The following RABEP1 variants were observed in gnomAD, a reference collection of about 807,000 sequenced individuals.
The protein encoded by RABEP1 is rabaptin, RAB GTPase binding effector protein 1.
Under a neutral mutation model 123.4 loss-of-function variants are expected in RABEP1, and 51 were observed. The observed-to-expected ratio is 0.41, with a 90% CI of 0.33 to 0.52. The LOEUF (loss-of-function observed/expected upper bound fraction) is 0.52. RABEP1 is among the 20% of genes least tolerant of loss of function. RABEP1 has a pLI of 0.16. For synonymous variants in RABEP1, 347 were observed against 355.2 expected (o/e 0.98, Z 0.26); for missense variants, 888 against 996.3 (o/e 0.89, Z 1.46).
intron 13 of RABEP1, among the ~76,000 whole-genome samples, chr17:5,376,450 A>G (rs1911001069): frequency 6.6e-6 from 1 of 152,212 alleles, no homozygotes; most frequent in Non-Finnish European, 1.5e-5. Flanking sequence ...TTTTATATAT[A>G]TTGTTATTTG....
At position 5,332,064 on chromosome 17, in the gene RABEP1, A is replaced by G; in HGVS notation, c.279A>G (p.Thr93=). The G allele has an allele frequency of 1.2e-6, 2 of 1,614,152 alleles. No individual in the cohort carries two copies. The highest frequency in any genetic ancestry group is 1.1e-5 in the South Asian group (1 of 91,078). ...TGGAGAATATTAAGGCGATTGCCAC[A>G]GTCTCTGAGAACACCAAGCAAGAAG... The part of the protein sequence containing the change: ...AEMENIKAIA[T]VSENTKQEAI... The change falls in exon 3 of 18, where the codon ACA becomes ACG. Residue 93 remains threonine, a synonymous_variant. Coordinates refer to ENST00000537505, the MANE Select transcript of RABEP1 (RefSeq NM_004703.6).
chr17:5,383,580 T>TTTCTGTTCATAGATATTGG lies in RABEP1; in HGVS notation c.*358_*376dup. The stretch of plus-strand genomic sequence containing the variant: ...GCGACATCCCAGTAGTGTTTGGAAT[T>TTTCTGTTCATAGATATTGG]TTCTGTTCATAGATATTGGAAGAGA... On this transcript the variant is annotated 3_prime_UTR_variant, in exon 18 of 18. Coordinates refer to ENST00000537505, the MANE Select transcript of RABEP1 (RefSeq NM_004703.6). 3.5e-6 allele frequency: 1 copy of TTTCTGTTCATAGATATTGG among 287,012 alleles called. No homozygotes were observed. The highest frequency in any genetic ancestry group is 6.6e-6 in the Non-Finnish European group (1 of 150,648). The allele number at this position is 287,012 out of a possible 1,614,324, so 17.8% of individuals were successfully genotyped here.
At chr17:5,311,570 T>A (rs535220482) in intron 2 of RABEP1, among the ~76,000 whole-genome samples, 56 of 151,312 alleles carry the variant, frequency 3.7e-4, no homozygotes, top group Admixed American at 8.6e-4. Context: ...TTGGCATGGG[T>A]CTGTAATCCC....
intron 6 of RABEP1, among the ~76,000 whole-genome samples, chr17:5,350,060 T>A (rs1908389442): frequency 6.6e-6 from 1 of 152,136 alleles, no homozygotes; most frequent in Non-Finnish European, 1.5e-5. Context: ...TGGTCAGACC[T>A]GGGCTAGGAG....
At chr17:5,368,542 T>G in intron 12 of RABEP1, 74 bp downstream of exon 12, 1 of 1,069,272 alleles carries the variant, frequency 9.4e-7, no homozygotes, top group Non-Finnish European at 1.4e-6. Flanking sequence ...GACATCATCT[T>G]TGATAGGAAT....
chr17:5,349,452 G>A (rs1465719462), intron 6 of RABEP1, among the ~76,000 whole-genome samples: 1 of 152,214 alleles, frequency 6.6e-6, no homozygotes, highest in Non-Finnish European at 1.5e-5. Flanking sequence ...CTTGGTAGAT[G>A]GGTGGATAGA....
At chr17:5,355,089 C>A (rs1201986124) in intron 8 of RABEP1, among the ~76,000 whole-genome samples, 1 of 152,202 alleles carries the variant, frequency 6.6e-6, no homozygotes, top group African/African-American at 2.4e-5. Flanking sequence ...CATTCCACTG[C>A]GTCCTCAGCA....
intron 5 of RABEP1, among the ~76,000 whole-genome samples, chr17:5,339,677 G>A (rs1907411218): frequency 6.7e-6 from 1 of 150,034 alleles, no homozygotes; most frequent in South Asian, 2.1e-4. Context: ...CACGCGCCTT[G>A]TAGTCCCTTC....
chr17:5,383,338 C>A lies in RABEP1; in HGVS notation c.*115C>A. The A allele has an allele frequency of 2.4e-6, 2 of 837,364 alleles. No individual in the cohort carries two copies. Among genetic ancestry groups the A allele is most frequent in the South Asian group, 1.6e-5 (1 of 63,470 alleles). 51.9% of individuals were successfully genotyped at this position (837,364 alleles called of 1,614,324 possible). Reference sequence around the variant, plus strand: ...AAGAGAAGTCACAACAAAAGGAAGACTGGAGAAATGCTTACTTCTAGAGGG... The same window carrying A: ...AAGAGAAGTCACAACAAAAGGAAGAATGGAGAAATGCTTACTTCTAGAGGG... On this transcript the variant is annotated 3_prime_UTR_variant, in exon 18 of 18. Transcript: ENST00000537505.
chr17:5,357,608 T>C (rs912782718), intron 8 of RABEP1, among the ~76,000 whole-genome samples: 1 of 152,106 alleles, frequency 6.6e-6, no homozygotes, highest in African/African-American at 2.4e-5. Context: ...TGGCCTCAAG[T>C]GATTTGCCCA....
intron 3 of RABEP1, among the ~76,000 whole-genome samples, chr17:5,333,981 T>C (rs1017029946): frequency 6.6e-6 from 1 of 151,876 alleles, no homozygotes; most frequent in South Asian, 2.1e-4. Flanking sequence ...CTAAACAAAA[T>C]TGGAGTCTTA....
At chr17:5,282,729 G>A (rs1428505367) in intron 1 of RABEP1, among the ~76,000 whole-genome samples, 1 of 149,366 alleles carries the variant, frequency 6.7e-6, no homozygotes, top group African/African-American at 2.4e-5. Flanking sequence ...CGGGAGGCGC[G>A]GGTGCAGCGC....
chr17:5,378,356 T>C (rs765866687), intron 15 of RABEP1, 124 bp downstream of exon 15: 2 of 956,200 alleles, frequency 2.1e-6, no homozygotes, highest in Non-Finnish European at 3.3e-6. Flanking sequence ...AACTTTTGTC[T>C]TGTGGGAAGA....
intron 2 of RABEP1, among the ~76,000 whole-genome samples, chr17:5,319,249 G>A (rs1362019407): frequency 8.2e-5 from 12 of 146,060 alleles, no homozygotes; most frequent in African/African-American, 2.5e-4. Flanking sequence ...GGAATTGCTC[G>A]AGCCCAGAGG....
chr17:5,351,911 C>A (rs769377910), intron 7 of RABEP1, among the ~76,000 whole-genome samples: 5 of 151,940 alleles, frequency 3.3e-5, no homozygotes, highest in Admixed American at 3.3e-4. Flanking sequence ...TTTACCCTTT[C>A]TCCTTGTAGC....
At chr17:5,335,479 CAT>C in intron 4 of RABEP1, 135 bp downstream of exon 4, 2 of 739,970 alleles carry the variant, frequency 2.7e-6, no homozygotes, top group Non-Finnish European at 4.3e-6. Context: ...CAGACCTAAA[CAT>C]AGTACTAAAT....
chr17:5,377,142 C>T lies in RABEP1; in HGVS notation c.2052C>T (p.Tyr684=). Residue 684 remains tyrosine, a synonymous_variant, in exon 14 of 18, where the codon TAC becomes TAT. Transcript: ENST00000537505. The part of the protein sequence containing the change: ...TEALRELVLK[Y]REDIINVRTA... Reference sequence around the variant, plus strand: ...CACTGCGGGAGTTGGTATTAAAATACCGTGAGGACATCATTAATGTGCGGA... The same window carrying T: ...CACTGCGGGAGTTGGTATTAAAATATCGTGAGGACATCATTAATGTGCGGA... 1 of 1,604,000 alleles carries T rather than the reference C, an allele frequency of 6.2e-7. No homozygotes were observed. The highest frequency in any genetic ancestry group is 1.1e-5 in the South Asian group (1 of 88,582).
intron 1 of RABEP1, among the ~76,000 whole-genome samples, chr17:5,285,327 T>C (rs1597319477): frequency 6.7e-6 from 1 of 150,358 alleles, no homozygotes; most frequent in Non-Finnish European, 1.5e-5. Flanking sequence ...GTAGAGAGGG[T>C]CTCATTGTGT....
At position 5,361,682 on chromosome 17, in the gene RABEP1, TA is replaced by T. The variant is rs1555524569; in HGVS notation, c.1563+8del. 1 of 1,588,674 alleles carries T rather than the reference TA, an allele frequency of 6.3e-7. No individual in the cohort carries two copies. The highest frequency in any genetic ancestry group is 8.6e-7 in the Non-Finnish European group (1 of 1,167,430). On this transcript the variant is annotated splice_region_variant and intron_variant, in intron 9 of 17. Transcript: ENST00000537505. ...GAATCTCTTGCAGAAAGAGGTGAGT[TA>T]CCTTTCTCACGTTTTTCCTCTTGCT...
Sources: allele counts gnomAD v4.1 joint callset (sites outside exome capture counted in the v4.1 genomes callset), GRCh38; gene constraint gnomAD v4.1.1; transcripts MANE v1.5; gene names NCBI Gene and HGNC (gene_info 2026-07-23, HGNC 2026-07-21).